The following RALYL variants were observed in gnomAD, a reference collection of about 807,000 sequenced individuals.
The protein encoded by RALYL is RALY RNA binding protein like.
RALYL carries 29 observed loss-of-function variants against 35.1 expected under a neutral mutation model. That is an observed-to-expected ratio of 0.83 (90% confidence interval 0.61 to 1.13). The LOEUF is 1.13. RALYL is among the 50% of genes most tolerant of loss of function. The pLI, the probability that RALYL is intolerant of heterozygous loss-of-function variation, is 0.00. For missense variants in RALYL, 359 were observed against 360.4 expected, an observed-to-expected ratio of 1.00 and a Z score of 0.03; for synonymous variants, 120 against 127.6, an observed-to-expected ratio of 0.94 and a Z score of 0.40.
intron 1 of RALYL, among the ~76,000 whole-genome samples, chr8:84,335,424 T>C (rs2130782922): frequency 6.6e-6 from 1 of 152,250 alleles, no homozygotes; most frequent in East Asian, 1.9e-4. Flanking sequence ...AGTTGCCTTC[T>C]AATATGGCTG....
intron 2 of RALYL, among the ~76,000 whole-genome samples, chr8:84,605,636 T>A (rs1816946663): frequency 6.6e-6 from 1 of 152,150 alleles, no homozygotes; most frequent in Admixed American, 6.6e-5. Flanking sequence ...ATTGTGTACA[T>A]TGGGTCTATT....
At chr8:84,410,384 A>G (rs57768781) in intron 1 of RALYL, among the ~76,000 whole-genome samples, 4,714 of 152,074 alleles carry the variant, frequency 0.031, 238 homozygotes, top group African/African-American at 0.11. Context: ...GGTAATAACT[A>G]CATAATCCAG....
chr8:84,453,645 T>A (rs2049783271), intron 1 of RALYL, among the ~76,000 whole-genome samples: 1 of 151,996 alleles, frequency 6.6e-6, no homozygotes. Context: ...ATTAATTTAA[T>A]CTTGAACAAT....
chr8:84,902,464 G>T (rs1185212079), intron 8 of RALYL, among the ~76,000 whole-genome samples: 1 of 152,112 alleles, frequency 6.6e-6, no homozygotes, highest in Admixed American at 6.6e-5. Flanking sequence ...ATGAGATTTG[G>T]ACGGGGAACA....
At chr8:84,617,938 G>T (rs1820225583) in intron 2 of RALYL, among the ~76,000 whole-genome samples, 1 of 151,814 alleles carries the variant, frequency 6.6e-6, no homozygotes, top group Admixed American at 6.6e-5. Context: ...TCCCAGGGAT[G>T]AAGCCCACTT....
At chr8:84,848,095 G>A (rs1835031693) in intron 4 of RALYL, among the ~76,000 whole-genome samples, 1 of 152,074 alleles carries the variant, frequency 6.6e-6, no homozygotes, top group Admixed American at 6.6e-5. Flanking sequence ...TTATATAGTA[G>A]TTTCTCAAAA....
chr8:84,557,586 T>C (rs951617864), intron 2 of RALYL, among the ~76,000 whole-genome samples: 10 of 152,250 alleles, frequency 6.6e-5, no homozygotes, highest in African/African-American at 2.4e-4. Context: ...TTAATTAAAA[T>C]GATGCATGCA....
chr8:84,615,570 CTTTTTTTTTTTT>C (rs60428128), intron 2 of RALYL, among the ~76,000 whole-genome samples: 49 of 67,390 alleles, frequency 7.3e-4, no homozygotes, highest in East Asian at 2.0e-3. Context: ...GAACTTTCGT[CTTTTTTTTTTTT>C]TTTTTTTTTT....
At chr8:84,354,678 A>G (rs1011954286) in intron 1 of RALYL, among the ~76,000 whole-genome samples, 4 of 150,386 alleles carry the variant, frequency 2.7e-5, no homozygotes, top group East Asian at 1.9e-4. Context: ...GTTTCTCTAC[A>G]TTAAATATCT....
chr8:84,185,449 A>G (rs1812287719), intron 1 of RALYL, among the ~76,000 whole-genome samples: 1 of 152,146 alleles, frequency 6.6e-6, no homozygotes, highest in Non-Finnish European at 1.5e-5. Context: ...ATCCTGTTAC[A>G]TGTTTTCAGT....
chr8:84,529,542 G>A lies in RALYL; in HGVS notation c.221G>A (p.Gly74Glu). The change falls in exon 2 of 9, where the codon GGA becomes GAA. Residue 74 changes from glycine (G) to glutamate (E), a missense_variant. Gly to Glu is a moderately conservative substitution (Grantham distance 98). Coordinates refer to ENST00000521268, the MANE Select transcript of RALYL (RefSeq NM_173848.7). ...SERHARAAVA[G>E]ENARVIAGQP... ...CGACATGCAAGAGCTGCAGTGGCTG[G>A]AGAAAATGCCAGAGTCATCGCCGGC... The A allele has an allele frequency of 6.2e-7, 1 of 1,610,754 alleles. No homozygotes were observed.
intron 5 of RALYL, among the ~76,000 whole-genome samples, chr8:84,860,670 T>G (rs1263113096): frequency 6.6e-6 from 1 of 152,196 alleles, no homozygotes; most frequent in Non-Finnish European, 1.5e-5. Context: ...GACCTGTTCT[T>G]TGCTAGCTGT....
At chr8:84,650,329 A>C (rs1054767129) in intron 2 of RALYL, among the ~76,000 whole-genome samples, 1 of 152,042 alleles carries the variant, frequency 6.6e-6, no homozygotes, top group African/African-American at 2.4e-5. Context: ...TCATCTGACA[A>C]AGGGCTAATA....
At position 84,732,683 on chromosome 8, in the gene RALYL, T is replaced by TATATATATATATATATATATACAC; in HGVS notation, c.257-41895_257-41894insTATATATATATATATATATACACA. Among the ~76,000 whole-genome samples, 70 of 133,198 alleles carry TATATATATATATATATATATACAC rather than the reference T, an allele frequency of 5.3e-4. 2 individuals are homozygous for TATATATATATATATATATATACAC. Among genetic ancestry groups the TATATATATATATATATATATACAC allele is most frequent in the African/African-American group, 1.9e-3 (61 of 32,888 alleles). 87.4% of individuals were successfully genotyped at this position (133,198 alleles called of 152,430 possible). On this transcript the variant is annotated intron_variant, in intron 2 of 8. Coordinates refer to ENST00000521268, the MANE Select transcript of RALYL (RefSeq NM_173848.7). ...TATTAAATAATTATATATATATATATACACACACACACACATATATATAAT... is the reference window on the plus strand; with the variant it reads ...TATTAAATAATTATATATATATATATATATATATATATATATATATACACACACACACACACACATATATATAAT...
Position 84,806,787 on chromosome 8 carries a change from G to A in RALYL, c.365+1985G>A, listed in dbSNP as rs531829901. ...CAAAAGTATGTATGCTAAGGTGGGC[G>A]ACTCACTTGAGTTCAGGAGTTCGAG... On this transcript the variant is annotated intron_variant, in intron 4 of 8. Coordinates refer to ENST00000521268, the MANE Select transcript of RALYL (RefSeq NM_173848.7). 5.3e-4 allele frequency among the ~76,000 whole-genome samples: 80 copies of A among 152,174 alleles called. 1 individual carries two copies. Among genetic ancestry groups the A allele is most frequent in the Middle Eastern group, 3.4e-3 (1 of 294 alleles).
intron 3 of RALYL, among the ~76,000 whole-genome samples, chr8:84,791,185 A>G (rs1249606911): frequency 1.3e-5 from 2 of 152,186 alleles, no homozygotes; most frequent in Non-Finnish European, 2.9e-5. Flanking sequence ...AGGGTGCTCA[A>G]TGAAGGCTCA....
intron 1 of RALYL, among the ~76,000 whole-genome samples, chr8:84,519,101 T>C (rs1347590895): frequency 6.6e-6 from 1 of 152,216 alleles, no homozygotes; most frequent in East Asian, 1.9e-4. Flanking sequence ...TAAATGAATA[T>C]AATGATGCTT....
chr8:84,295,759 A>G (rs1839638178), intron 1 of RALYL, among the ~76,000 whole-genome samples: 1 of 152,158 alleles, frequency 6.6e-6, no homozygotes, highest in Non-Finnish European at 1.5e-5. Context: ...ATTCATAATC[A>G]CATTTTATGT....
chr8:84,794,876 C>T (rs564417351), intron 3 of RALYL, among the ~76,000 whole-genome samples: 58 of 152,220 alleles, frequency 3.8e-4, no homozygotes, highest in African/African-American at 1.2e-3. Context: ...ACAGTCCATC[C>T]GAGGGAGATG....
Sources: allele counts gnomAD v4.1 joint callset (sites outside exome capture counted in the v4.1 genomes callset), GRCh38; gene constraint gnomAD v4.1.1; transcripts MANE v1.5; gene names NCBI Gene and HGNC (gene_info 2026-07-23, HGNC 2026-07-21).